Variants in MED13L observed in about 807,000 individuals in gnomAD.
MED13L encodes mediator of RNA polymerase II transcription subunit 13-like.
Under a neutral mutation model 220.9 loss-of-function variants are expected in MED13L, and 7 were observed. The observed-to-expected ratio is 0.03, with a 90% CI of 0.02 to 0.06. The LOEUF is 0.06. Ranked by LOEUF, MED13L falls within the 10% of genes least tolerant of loss-of-function variation. The pLI is 1.00. For missense variants in MED13L, 1,965 were observed against 2,760.5 expected (o/e 0.71, Z 6.46); for synonymous variants, 1,011 against 1,015.2 (o/e 1.00, Z 0.08).
At chr12:116,235,613 C>A (rs1466700387) in intron 2 of MED13L, among the ~76,000 whole-genome samples, 2 of 151,944 alleles carry the variant, frequency 1.3e-5, no homozygotes, top group East Asian at 3.9e-4. Context: ...TAACTCTTTA[C>A]CAAAAAATAC....
At chr12:116,200,511 C>T (rs1449682359) in intron 2 of MED13L, among the ~76,000 whole-genome samples, 1 of 152,142 alleles carries the variant, frequency 6.6e-6, no homozygotes, top group Non-Finnish European at 1.5e-5. Flanking sequence ...AGAATTCATT[C>T]AATTAGCAAT....
intron 30 of MED13L, 111 bp downstream of exon 30, chr12:115,963,296 C>A: frequency 1.1e-6 from 1 of 883,498 alleles, no homozygotes; most frequent in Non-Finnish European, 1.9e-6. Flanking sequence ...TATCACTGCA[C>A]AAACGGCAGC....
At chr12:116,020,093 C>T in intron 5 of MED13L, 121 bp from the exon 6 acceptor site, 1 of 900,184 alleles carries the variant, frequency 1.1e-6, no homozygotes, top group Non-Finnish European at 1.7e-6. Flanking sequence ...TTCTTTATTT[C>T]CTAACTCTAT....
At chr12:116,104,329 A>C (rs1322651077) in intron 3 of MED13L, among the ~76,000 whole-genome samples, 2 of 151,782 alleles carry the variant, frequency 1.3e-5, no homozygotes, top group Non-Finnish European at 2.9e-5. Context: ...TTTGATAATC[A>C]CCTCTATTGC....
At chr12:116,269,425 C>T (rs971343719) in intron 1 of MED13L, among the ~76,000 whole-genome samples, 2 of 147,164 alleles carry the variant, frequency 1.4e-5, no homozygotes, top group African/African-American at 5.0e-5. Flanking sequence ...CCCCGCCCCC[C>T]CAATCTACTT....
Position 116,213,319 on chromosome 12 carries a change from A to C in MED13L, c.310+24149T>G, listed in dbSNP as rs150750981. Among the ~76,000 whole-genome samples the C allele has an allele frequency of 1.3e-3, 201 of 152,340 alleles. 1 individual carries two copies. Among genetic ancestry groups the C allele is most frequent in the African/African-American group, 4.6e-3 (193 of 41,586 alleles). ...AAACTGCTTGCAAATCAAAGACAAAAGCAAGCATGGAGGGGCAAATGTTTT... is the reference window on the plus strand; with the variant it reads ...AAACTGCTTGCAAATCAAAGACAAACGCAAGCATGGAGGGGCAAATGTTTT... On this transcript the variant is annotated intron_variant, in intron 2 of 30. Transcript: ENST00000281928.
intron 3 of MED13L, among the ~76,000 whole-genome samples, chr12:116,101,136 T>G (rs1873033015): frequency 1.3e-5 from 2 of 152,186 alleles, no homozygotes; most frequent in Admixed American, 1.3e-4. Flanking sequence ...TAATTTGAAT[T>G]CTATTCATTC....
chr12:116,258,989 T>C (rs1593220412), intron 1 of MED13L, among the ~76,000 whole-genome samples: 1 of 134,838 alleles, frequency 7.4e-6, no homozygotes. Context: ...CAGAAAAAAA[T>C]AGGCATTATA....
intron 2 of MED13L, among the ~76,000 whole-genome samples, chr12:116,139,629 G>A (rs757186999): frequency 3.3e-5 from 5 of 152,056 alleles, no homozygotes; most frequent in African/African-American, 4.8e-5. Context: ...AGAATATGTC[G>A]TTTATCTCTT....
intron 8 of MED13L, among the ~76,000 whole-genome samples, chr12:116,013,384 G>T (rs191679741): frequency 1.3e-5 from 2 of 152,274 alleles, no homozygotes; most frequent in Admixed American, 1.3e-4. Context: ...CTTACTCAGG[G>T]TTCAATGTAC....
At chr12:116,225,827 T>C (rs147822696) in intron 2 of MED13L, among the ~76,000 whole-genome samples, 1 of 152,156 alleles carries the variant, frequency 6.6e-6, no homozygotes, top group Non-Finnish European at 1.5e-5. Context: ...TTTTTTTCTC[T>C]TGTGTCAGAA....
At chr12:116,156,526 T>G (rs564737445) in intron 2 of MED13L, among the ~76,000 whole-genome samples, 12 of 152,148 alleles carry the variant, frequency 7.9e-5, no homozygotes, top group Admixed American at 6.6e-4. Context: ...ATGTTGCACA[T>G]TGCAGGCCAA....
intron 2 of MED13L, among the ~76,000 whole-genome samples, chr12:116,224,940 T>C (rs1262520213): frequency 6.6e-6 from 1 of 152,122 alleles, no homozygotes; most frequent in East Asian, 1.9e-4. Context: ...CAAGCGATCC[T>C]CCCACCTCAG....
At chr12:116,061,165 G>C (rs1450502813) in intron 4 of MED13L, among the ~76,000 whole-genome samples, 1 of 152,120 alleles carries the variant, frequency 6.6e-6, no homozygotes, top group African/African-American at 2.4e-5. Context: ...AAGCAACTGG[G>C]TGGGTAGAGG....
At chr12:115,968,057 C>A (rs906972483) in intron 28 of MED13L, among the ~76,000 whole-genome samples, 6 of 118,272 alleles carry the variant, frequency 5.1e-5, no homozygotes, top group Admixed American at 1.7e-4. Context: ...TAAAAGTCCC[C>A]CCCCCCCCCC....
chr12:116,120,475 TCTCACACACACACA>T (rs1177596802), intron 2 of MED13L, among the ~76,000 whole-genome samples: 5 of 91,688 alleles, frequency 5.5e-5, no homozygotes, highest in East Asian at 7.0e-4. Flanking sequence ...TCTCTCTCTC[TCTCACACACACACA>T]CACACACACA....
intron 1 of MED13L, among the ~76,000 whole-genome samples, chr12:116,256,206 A>G (rs1262527832): frequency 6.6e-6 from 1 of 152,116 alleles, no homozygotes; most frequent in African/African-American, 2.4e-5. Context: ...AAATAAAAAC[A>G]TATGTCCCAC....
At chr12:116,029,196 G>T (rs1880574785) in intron 4 of MED13L, among the ~76,000 whole-genome samples, 1 of 150,548 alleles carries the variant, frequency 6.6e-6, no homozygotes, top group Admixed American at 6.6e-5. Context: ...GAAAATAATG[G>T]GAGTTGGGGT....
At chr12:116,116,011 A>C (rs1179452331) in intron 2 of MED13L, among the ~76,000 whole-genome samples, 1 of 152,200 alleles carries the variant, frequency 6.6e-6, no homozygotes, top group East Asian at 1.9e-4. Flanking sequence ...TCCCGTTGTA[A>C]TATGACAATA....
Sources: allele counts gnomAD v4.1 joint callset (sites outside exome capture counted in the v4.1 genomes callset), GRCh38; gene constraint gnomAD v4.1.1; transcripts MANE v1.5; gene names NCBI Gene and HGNC (gene_info 2026-07-23, HGNC 2026-07-21).